NOL4L: variants seen among roughly 807,000 people sequenced by gnomAD.
NOL4L encodes the protein nucleolar protein 4 like.
In NOL4L, 7 loss-of-function variants were observed where a neutral mutation model predicts 64.5. That is an observed-to-expected ratio of 0.11 (90% CI 0.06 to 0.20). The LOEUF is 0.20. NOL4L is among the 10% of genes least tolerant of loss of function. The pLI, the probability that NOL4L is intolerant of heterozygous loss-of-function variation, is 1.00. For missense variants in NOL4L, 680 were observed against 967.1 expected, an observed-to-expected ratio of 0.70 and a Z score of 3.94; for synonymous variants, 413 against 401.0, an observed-to-expected ratio of 1.03 and a Z score of -0.36.
intron 1 of NOL4L, among the ~76,000 whole-genome samples, chr20:32,549,672 G>A (rs1484657601): frequency 6.6e-6 from 1 of 152,204 alleles, no homozygotes; most frequent in Non-Finnish European, 1.5e-5. Context: ...AGAATCACTT[G>A]AACCAGGGAG....
intron 4 of NOL4L, among the ~76,000 whole-genome samples, chr20:32,488,781 TCCTTCCTTC>T (rs2016236092): frequency 2.0e-5 from 1 of 49,246 alleles, no homozygotes; most frequent in African/African-American, 2.0e-4. Context: ...CTTCCTTCCT[TCCTTCCTTC>T]CTTTCTTTCT....
At position 32,467,626 on chromosome 20, in the gene NOL4L, G is replaced by C. The variant is rs370216900; in HGVS notation, c.841+6975C>G. Among the ~76,000 whole-genome samples, 89 of 152,316 alleles carry C rather than the reference G, an allele frequency of 5.8e-4. 1 individual carries two copies. The highest frequency in any genetic ancestry group is 2.0e-3 in the African/African-American group (83 of 41,568). On this transcript the variant is annotated intron_variant, in intron 5 of 10. Transcript: ENST00000621426. ...TGCGCAGGGCTCAGAGAATCTGGGGGAGGTGAGGAAGACCGCCCACATCCA... is the reference window on the plus strand; with the variant it reads ...TGCGCAGGGCTCAGAGAATCTGGGGCAGGTGAGGAAGACCGCCCACATCCA...
intron 1 of NOL4L, among the ~76,000 whole-genome samples, chr20:32,529,517 A>G (rs1462495537): frequency 6.6e-6 from 1 of 152,148 alleles, no homozygotes; most frequent in Non-Finnish European, 1.5e-5. Flanking sequence ...GCTCGCTCAC[A>G]ACACGTTCTG....
intron 1 of NOL4L, among the ~76,000 whole-genome samples, chr20:32,558,676 CCT>C (rs1978813063): frequency 6.6e-6 from 1 of 152,222 alleles, no homozygotes; most frequent in Non-Finnish European, 1.5e-5. Context: ...TGGCTGTGGC[CCT>C]TTCCTCTGAC....
At chr20:32,517,179 G>T (rs973301292) in intron 3 of NOL4L, among the ~76,000 whole-genome samples, 4 of 152,190 alleles carry the variant, frequency 2.6e-5, no homozygotes, top group African/African-American at 9.7e-5. Context: ...AGACCGCTGA[G>T]CAAAGGAGGC....
At chr20:32,539,599 C>T (rs551595085) in intron 1 of NOL4L, among the ~76,000 whole-genome samples, 3 of 152,326 alleles carry the variant, frequency 2.0e-5, no homozygotes, top group East Asian at 1.9e-4. Flanking sequence ...CCTGTCCCAT[C>T]GCTCCTCTTC....
chr20:32,515,565 C>A (rs2017616607), intron 3 of NOL4L, among the ~76,000 whole-genome samples: 1 of 151,704 alleles, frequency 6.6e-6, no homozygotes, highest in African/African-American at 2.4e-5. Flanking sequence ...AGAGACGGAG[C>A]AGGGGCCAGT....
chr20:32,511,652 T>A (rs549912578), intron 3 of NOL4L, among the ~76,000 whole-genome samples, 196 bp from the exon 4 acceptor site: 10 of 152,300 alleles, frequency 6.6e-5, no homozygotes, highest in South Asian at 4.1e-4. Context: ...ATTTTTTTTT[T>A]ATTAAATGCC....
chr20:32,528,011 T>G, intron 1 of NOL4L, 98 bp from the exon 2 acceptor site: 5 of 500,276 alleles, frequency 1.0e-5, no homozygotes, highest in East Asian at 7.6e-5. Flanking sequence ...GGGCAATGCC[T>G]CCGACAGTGG....
At chr20:32,562,632 G>A (rs1234161777) in intron 1 of NOL4L, among the ~76,000 whole-genome samples, 1 of 151,990 alleles carries the variant, frequency 6.6e-6, no homozygotes, top group African/African-American at 2.4e-5. Context: ...GGTAGCCCTG[G>A]GAGATCTCCT....
At chr20:32,571,781 TG>T (rs1361209008) in intron 1 of NOL4L, among the ~76,000 whole-genome samples, 3 of 152,160 alleles carry the variant, frequency 2.0e-5, no homozygotes, top group Non-Finnish European at 4.4e-5. Context: ...GGGCTGGGTG[TG>T]GGGCTGCACC....
chr20:32,524,420 G>A (rs1047326999), intron 2 of NOL4L, among the ~76,000 whole-genome samples: 1 of 152,210 alleles, frequency 6.6e-6, no homozygotes, highest in African/African-American at 2.4e-5. Flanking sequence ...TGATCCACGG[G>A]TGGACAGCAG....
At chr20:32,485,903 G>T (rs1240942145) in intron 4 of NOL4L, 1 of 385,644 alleles carries the variant, frequency 2.6e-6, no homozygotes, top group Non-Finnish European at 5.4e-6. Context: ...AAATACAACT[G>T]AAGTTCAAAG....
At chr20:32,504,089 C>T (rs1390381445) in intron 4 of NOL4L, among the ~76,000 whole-genome samples, 3 of 151,904 alleles carry the variant, frequency 2.0e-5, no homozygotes, top group Non-Finnish European at 4.4e-5. Context: ...TATCATATTC[C>T]TTTATATTTA....
chr20:32,498,336 C>T (rs1367091495), intron 4 of NOL4L, among the ~76,000 whole-genome samples: 1 of 151,252 alleles, frequency 6.6e-6, no homozygotes, highest in Non-Finnish European at 1.5e-5. Context: ...CCAGGATGTT[C>T]AAGAACATAT....
intron 4 of NOL4L, among the ~76,000 whole-genome samples, chr20:32,503,943 C>A (rs1011425533): frequency 6.6e-6 from 1 of 151,924 alleles, no homozygotes; most frequent in African/African-American, 2.4e-5. Flanking sequence ...TTTGTAAATA[C>A]CCAATGCCAT....
rs974754950 is a variant in NOL4L, at chr20:32,446,323, G to T, written c.*1273C>A. 3.3e-5 allele frequency: 5 copies of T among 152,240 alleles called. No homozygotes were observed. The highest frequency in any genetic ancestry group is 1.2e-4 in the African/African-American group (5 of 41,456). The allele number at this position is 152,240 out of a possible 1,614,324, so 9.4% of individuals were successfully genotyped here. A position where few individuals can be genotyped will look rare whatever the true frequency, so the allele number is the denominator to read the frequency against. On this transcript the variant is annotated 3_prime_UTR_variant, in exon 11 of 11. Transcript: ENST00000621426. The stretch of plus-strand genomic sequence containing the variant: ...GGATTATGGGTTTCTTCCAGGACCG[G>T]CCCCTCCGGAAGGGCTGGTCTTAGG...
At chr20:32,576,227 A>T (rs1980096436) in intron 1 of NOL4L, among the ~76,000 whole-genome samples, 1 of 152,116 alleles carries the variant, frequency 6.6e-6, no homozygotes, top group Non-Finnish European at 1.5e-5. Context: ...AGAAGGGGTT[A>T]TGTGGGCAGG....
chr20:32,551,802 T>G (rs1440057904), intron 1 of NOL4L, among the ~76,000 whole-genome samples: 4 of 152,148 alleles, frequency 2.6e-5, no homozygotes, highest in African/African-American at 9.7e-5. Flanking sequence ...ATTATTTTTT[T>G]TTTAGGGACA....
Sources: gnomAD v4.1 joint callset for allele counts (sites outside exome capture counted in the v4.1 genomes callset) on GRCh38, gnomAD v4.1.1 for gene constraint, MANE v1.5 for transcripts, NCBI Gene and HGNC (gene_info 2026-07-23, HGNC 2026-07-21) for gene names.